Variants in ABCC2 observed in about 807,000 individuals in gnomAD.
The protein encoded by ABCC2 is ATP-binding cassette sub-family C member 2.
In ABCC2, 157 loss-of-function variants were observed where a neutral mutation model predicts 173.4. The ratio of observed to expected loss-of-function variants is 0.91; its 90% CI spans 0.80 to 1.03. The LOEUF (loss-of-function observed/expected upper bound fraction) is 1.03. Ranked by LOEUF, ABCC2 falls within the 50% of genes least tolerant of loss-of-function variation. The probability of loss-of-function intolerance (pLI) is 0.00; values close to 1 mark genes in which losing one functional copy is unlikely to be tolerated. For missense variants in ABCC2, 1,822 were observed against 1,852.3 expected, an observed-to-expected ratio of 0.98 and a Z score of 0.30; for synonymous variants, 657 against 693.5, an observed-to-expected ratio of 0.95 and a Z score of 0.83.
chr10:99,784,867 T>C (rs1306456848), intron 2 of ABCC2, 86 bp downstream of exon 2: 1 of 1,534,672 alleles, frequency 6.5e-7, no homozygotes, highest in Non-Finnish European at 8.9e-7. Context: ...CTCTTCCTTG[T>C]CTTTAAGCAG....
chr10:99,800,646 T>A, intron 9 of ABCC2, 83 bp downstream of exon 9: 1 of 1,487,210 alleles, frequency 6.7e-7, no homozygotes, highest in South Asian at 1.1e-5. Flanking sequence ...GAAAATGTGA[T>A]GGAAATGGTA....
intron 8 of ABCC2, 129 bp from the exon 9 acceptor site, chr10:99,800,257 G>C (rs947108438): frequency 2.0e-6 from 2 of 1,017,948 alleles, no homozygotes; most frequent in Middle Eastern, 2.0e-4. Flanking sequence ...TCTTTCAAAG[G>C]CTTTGGACAA....
intron 30 of ABCC2, among the ~76,000 whole-genome samples, chr10:99,848,390 C>G (rs2039047225): frequency 6.6e-6 from 1 of 152,076 alleles, no homozygotes; most frequent in Non-Finnish European, 1.5e-5. Context: ...TTTGTTTTTC[C>G]TTCCACACAC....
intron 29 of ABCC2, among the ~76,000 whole-genome samples, chr10:99,846,299 T>G (rs2039016744): frequency 6.6e-6 from 1 of 152,254 alleles, no homozygotes; most frequent in African/African-American, 2.4e-5. Flanking sequence ...CAGCGGCTCC[T>G]CAGGAGAACC....
intron 9 of ABCC2, among the ~76,000 whole-genome samples, chr10:99,802,950 C>T (rs544570470): frequency 2.6e-5 from 4 of 152,232 alleles, no homozygotes; most frequent in East Asian, 1.9e-4. Context: ...AATCCTGACA[C>T]GAAAGTCTTT....
In ABCC2 at chr10:99,834,380, G is replaced by A; in HGVS notation, c.3259G>A (p.Asp1087Asn). Residue 1087 changes from aspartate to asparagine, a missense_variant and splice_region_variant, in exon 24 of 32, where the codon GAT becomes AAT. Physicochemically the swap from Asp to Asn is conservative, Grantham distance 23 (BLOSUM62 1). Transcript: ENST00000647814. ...TGRIVNRFAG[D>N]ISTVDDTLPQ... is the part of the protein sequence containing the mutation. ...GTATCTCTCCTAATCGTTTTCCTAG[G>A]ATATTTCCACAGTGGATGACACCCT... 1.2e-6 allele frequency: 2 copies of A among 1,614,100 alleles called. No homozygotes were observed.
At chr10:99,815,746 C>CA (rs201857423) in intron 16 of ABCC2, among the ~76,000 whole-genome samples, 2,470 of 151,828 alleles carry the variant, frequency 0.016, 58 homozygotes, top group African/African-American at 0.049. Flanking sequence ...ACCTGCTTGA[C>CA]AAAAAAATGT....
intron 14 of ABCC2, 98 bp from the exon 15 acceptor site, chr10:99,811,438 A>G: frequency 6.5e-6 from 8 of 1,238,802 alleles, no homozygotes; most frequent in Non-Finnish European, 9.5e-6. Context: ...TAGCAGAAAC[A>G]ATCCTAGGAG....
In ABCC2 at chr10:99,850,631, G is replaced by A; in HGVS notation, c.4343G>A (p.Gly1448Asp). 6.2e-7 allele frequency: 1 copy of A among 1,614,186 alleles called. No individual in the cohort carries two copies. Among genetic ancestry groups the A allele is most frequent in the Non-Finnish European group, 8.5e-7 (1 of 1,180,032 alleles). The change falls in exon 31 of 32, where the codon GGC (glycine) becomes GAC (aspartate). Residue 1448 changes from glycine (G) to aspartate (D), a missense_variant. Coordinates refer to ENST00000647814, the MANE Select transcript of ABCC2 (RefSeq NM_000392.5). ...SIGQRQLLCL[G>D]RALLRKSKIL... ...GGCCAGAGGCAGCTGCTGTGCCTGG[G>A]CAGGGCTCTGCTTCGGAAATCCAAG...
Position 99,831,708 on chromosome 10 carries a change from T to C in ABCC2, c.2981T>C (p.Ile994Thr). ...TTTGTGATGAATTCTGTGGCTTTTATTGGATCCAACCTCTGGCTCAGTGCT... is the reference window on the plus strand; with the variant it reads ...TTTGTGATGAATTCTGTGGCTTTTACTGGATCCAACCTCTGGCTCAGTGCT... The part of the protein sequence containing the change: ...LAFVMNSVAF[I>T]GSNLWLSAWT... The change falls in exon 22 of 32, where the codon ATT (isoleucine) becomes ACT (threonine). Residue 994 changes from isoleucine (I) to threonine (T), a missense_variant. Transcript: ENST00000647814. 5 of 1,614,256 alleles carry C rather than the reference T, an allele frequency of 3.1e-6. No individual in the cohort carries two copies. The highest frequency in any genetic ancestry group is 3.4e-6 in the Non-Finnish European group (4 of 1,180,042).
At position 99,843,036 on chromosome 10, in the gene ABCC2, G is replaced by C. The variant is rs535713502; in HGVS notation, c.3742-763G>C. On this transcript the variant is annotated intron_variant, in intron 26 of 31. Coordinates refer to ENST00000647814, the MANE Select transcript of ABCC2 (RefSeq NM_000392.5). ...CCATTGCACTCCAGCCTGGGCAACA[G>C]AGCAAGATTCCATCTCAAAAAAAAA... Among the ~76,000 whole-genome samples the C allele has an allele frequency of 4.1e-4, 61 of 149,582 alleles. 2 individuals are homozygous for C. Among genetic ancestry groups the C allele is most frequent in the African/African-American group, 1.5e-3 (61 of 40,644 alleles).
At chr10:99,816,060 C>G (rs1000031448) in intron 16 of ABCC2, among the ~76,000 whole-genome samples, 5 of 151,842 alleles carry the variant, frequency 3.3e-5, no homozygotes, top group Non-Finnish European at 7.4e-5. Flanking sequence ...CCTCCACCTC[C>G]TGGGTTCAAG....
rs768730413 is a variant in ABCC2, at chr10:99,800,430, T to G, written c.1076T>G (p.Ile359Ser). ...AGTGACCGTGACACATATTTGTGGA[T>G]TGGATATCTCTGTGCAATCCTCTTA... is the stretch of plus-strand genomic sequence containing the variant. ...FASDRDTYLW[I>S]GYLCAILLFT... The change falls in exon 9 of 32, where the codon ATT (isoleucine) becomes AGT (serine). Residue 359 changes from isoleucine to serine, a missense_variant. Coordinates refer to ENST00000647814, the MANE Select transcript of ABCC2 (RefSeq NM_000392.5). 4 of 1,614,198 alleles carry G rather than the reference T, an allele frequency of 2.5e-6. No individual in the cohort carries two copies. Among genetic ancestry groups the G allele is most frequent in the Non-Finnish European group, 2.5e-6 (3 of 1,180,016 alleles).
chr10:99,811,057 G>A (rs912522212), intron 14 of ABCC2, among the ~76,000 whole-genome samples: 2 of 151,976 alleles, frequency 1.3e-5, no homozygotes, highest in Non-Finnish European at 2.9e-5. Context: ...TAGGCTGGAT[G>A]CAGTGTCTCA....
At position 99,832,034 on chromosome 10, in the gene ABCC2, A is replaced by AT; in HGVS notation, c.3162dup (p.Ile1055TyrfsTer19). Reference sequence around the variant, plus strand: ...GCCTTTGGTTTCGTCCATGCATCAAATATCTTGCACAAGCAACTGCTGAAC... The same window carrying AT: ...GCCTTTGGTTTCGTCCATGCATCAAATTATCTTGCACAAGCAACTGCTGAAC... On this transcript the variant is annotated frameshift_variant, in exon 23 of 32. Transcript: ENST00000647814. LOFTEE classifies it high-confidence loss of function. 1 of 1,614,220 alleles carries AT rather than the reference A, an allele frequency of 6.2e-7. No homozygotes were observed. Among genetic ancestry groups the AT allele is most frequent in the Non-Finnish European group, 8.5e-7 (1 of 1,180,022 alleles).
intron 24 of ABCC2, 63 bp downstream of exon 24, chr10:99,834,598 TC>T: frequency 1.3e-6 from 2 of 1,557,604 alleles, no homozygotes; most frequent in Non-Finnish European, 1.8e-6. Context: ...CCAGCCTCTT[TC>T]CTGAGAATCT....
chr10:99,846,232 G>A (rs1305661395), intron 29 of ABCC2, among the ~76,000 whole-genome samples: 1 of 152,148 alleles, frequency 6.6e-6, no homozygotes, highest in Non-Finnish European at 1.5e-5. Context: ...ATTTCCCTTC[G>A]GCTTCCTCTC....
chr10:99,794,419 T>TCATC lies in ABCC2; in HGVS notation c.587_590dup (p.Ala198HisfsTer7). The TCATC allele has an allele frequency of 6.2e-7, 1 of 1,613,974 alleles. No homozygotes were observed. The highest frequency in any genetic ancestry group is 8.5e-7 in the Non-Finnish European group (1 of 1,179,866). On this transcript the variant is annotated frameshift_variant, in exon 6 of 32. Coordinates refer to ENST00000647814, the MANE Select transcript of ABCC2 (RefSeq NM_000392.5). LOFTEE classifies it high-confidence loss of function. ...ATTTTTTTGTGTCTTTCAGAATCCA[T>TCATC]CATCCATAGCTTCATTCCTGAGTAG...
Position 99,807,490 on chromosome 10 carries a change from T to C in ABCC2, c.1637T>C (p.Val546Ala). 1 of 1,614,148 alleles carries C rather than the reference T, an allele frequency of 6.2e-7. No homozygotes were observed. ...GCCTTTAGTCAACTACAGTGTGTAG[T>C]AATATTCGTCTTCCAGTTAACTCCA... is the stretch of plus-strand genomic sequence containing the variant. ...LLAFSQLQCVVIFVFQLTPVL... is the reference protein window; with the variant it reads ...LLAFSQLQCVAIFVFQLTPVL... The change falls in exon 12 of 32, where the codon GTA becomes GCA. Residue 546 changes from valine to alanine, a missense_variant. Transcript: ENST00000647814.
Sources: gnomAD v4.1 joint callset for allele counts (sites outside exome capture counted in the v4.1 genomes callset) on GRCh38, gnomAD v4.1.1 for gene constraint, MANE v1.5 for transcripts, NCBI Gene and HGNC (gene_info 2026-07-23, HGNC 2026-07-21) for gene names.